Variants in SLC26A7 observed in about 807,000 individuals in gnomAD.
SLC26A7 encodes the protein anion exchange transporter.
Under a neutral mutation model 82.5 loss-of-function variants are expected in SLC26A7, and 59 were observed. That is an observed-to-expected ratio of 0.72 (90% confidence interval 0.58 to 0.89). The LOEUF (loss-of-function observed/expected upper bound fraction) is 0.89, where lower values mean the gene tolerates loss of function less well. Among genes scored for constraint, SLC26A7 ranks in the 40% least tolerant of loss-of-function variants. The probability of loss-of-function intolerance (pLI) is 0.00; values close to 1 mark genes in which losing one functional copy is unlikely to be tolerated. For missense variants in SLC26A7, 820 were observed against 793.0 expected, an observed-to-expected ratio of 1.03 and a Z score of -0.41; for synonymous variants, 271 against 274.3, an observed-to-expected ratio of 0.99 and a Z score of 0.12.
chr8:91,316,381 C>T (rs553645482), intron 4 of SLC26A7, among the ~76,000 whole-genome samples: 185 of 149,660 alleles, frequency 1.2e-3, no homozygotes, highest in Middle Eastern at 3.5e-3. Context: ...CTCCTGGGCT[C>T]AGGCCATCCT....
chr8:91,331,189 G>A (rs1470682385), intron 5 of SLC26A7, among the ~76,000 whole-genome samples: 1 of 152,088 alleles, frequency 6.6e-6, no homozygotes, highest in Non-Finnish European at 1.5e-5. Context: ...GGCACTGGGG[G>A]TTAGGACTTC....
chr8:91,221,690 G>A (rs1243269915), intron 2 of SLC26A7, among the ~76,000 whole-genome samples: 1 of 152,030 alleles, frequency 6.6e-6, no homozygotes, highest in African/African-American at 2.4e-5. Context: ...TAGATGTGTG[G>A]TATTATTTCT....
chr8:91,351,084 C>T (rs1375754516), intron 9 of SLC26A7, among the ~76,000 whole-genome samples: 1 of 152,124 alleles, frequency 6.6e-6, no homozygotes. Flanking sequence ...GCCTTCTTTT[C>T]TCTTGTTAGG....
chr8:91,314,019 C>T (rs1812560632), intron 4 of SLC26A7, among the ~76,000 whole-genome samples: 1 of 152,154 alleles, frequency 6.6e-6, no homozygotes, highest in Non-Finnish European at 1.5e-5. Context: ...CAAATAGTAT[C>T]ATGCTAGTGA....
chr8:91,217,685 G>A (rs1282618173), intron 1 of SLC26A7, among the ~76,000 whole-genome samples: 1 of 152,164 alleles, frequency 6.6e-6, no homozygotes, highest in African/African-American at 2.4e-5. Flanking sequence ...AGGAGTGGTA[G>A]TTGCCCAAAG....
At chr8:91,378,298 A>C (rs76019809) in intron 15 of SLC26A7, among the ~76,000 whole-genome samples, 3,293 of 149,816 alleles carry the variant, frequency 0.022, 133 homozygotes, top group African/African-American at 0.075. Flanking sequence ...TATTAACATC[A>C]CTCCTTGGTA....
At chr8:91,242,260 A>G (rs1810484882) in intron 2 of SLC26A7, among the ~76,000 whole-genome samples, 1 of 152,190 alleles carries the variant, frequency 6.6e-6, no homozygotes, top group South Asian at 2.1e-4. Flanking sequence ...TTCAGTAATT[A>G]CTTTGATATG....
At chr8:91,384,621 A>G (rs1283675775) in intron 15 of SLC26A7, among the ~76,000 whole-genome samples, 2 of 152,104 alleles carry the variant, frequency 1.3e-5, no homozygotes, top group Non-Finnish European at 2.9e-5. Context: ...TTAATTTACT[A>G]GTTCAACTGA....
At chr8:91,210,308 C>G (rs1045681737) in intron 1 of SLC26A7, among the ~76,000 whole-genome samples, 2 of 152,270 alleles carry the variant, frequency 1.3e-5, no homozygotes, top group Middle Eastern at 3.4e-3. Flanking sequence ...CACCTTCTGT[C>G]TCTTTTTTCC....
In SLC26A7 at chr8:91,397,968, G is replaced by A. The variant is rs544164909; in HGVS notation, c.*2871G>A. On this transcript the variant is annotated 3_prime_UTR_variant, in exon 19 of 19. Transcript: ENST00000276609. ...AGTTTGTGGCCAGATTTCAAATAGG[G>A]AGTTAAGTGGTACTTTCACAATCCA... 6.6e-6 allele frequency: 1 copy of A among 152,540 alleles called. No individual in the cohort carries two copies. The highest frequency in any genetic ancestry group is 2.4e-5 in the African/African-American group (1 of 41,522). 9.4% of individuals were successfully genotyped at this position (152,540 alleles called of 1,614,324 possible).
intron 2 of SLC26A7, among the ~76,000 whole-genome samples, chr8:91,280,253 A>G (rs1402252005): frequency 6.6e-6 from 1 of 152,194 alleles, no homozygotes; most frequent in Non-Finnish European, 1.5e-5. Context: ...TGTGGAAGGT[A>G]ACTAATTCTA....
At position 91,265,154 on chromosome 8, in the gene SLC26A7, G is replaced by T. The variant is rs144299199; in HGVS notation, c.193+15310G>T. 6.4e-3 allele frequency among the ~76,000 whole-genome samples: 971 copies of T among 152,054 alleles called. 7 individuals carry two copies. The highest frequency in any genetic ancestry group is 0.021 in the African/African-American group (880 of 41,488). On this transcript the variant is annotated intron_variant, in intron 2 of 18. Coordinates refer to ENST00000276609, the MANE Select transcript of SLC26A7 (RefSeq NM_052832.4). ...GATTATGCGGTATTTGTCTTTCTGT[G>T]TCTGGCTTATTTTACTTAACGTAAT...
intron 15 of SLC26A7, among the ~76,000 whole-genome samples, chr8:91,384,099 G>A (rs1170846314): frequency 1.3e-5 from 2 of 152,114 alleles, no homozygotes; most frequent in South Asian, 2.1e-4. Flanking sequence ...AAAACAGCAC[G>A]GATTTGTTAT....
chr8:91,336,196 A>G (rs1040665843), intron 6 of SLC26A7, among the ~76,000 whole-genome samples: 2 of 152,078 alleles, frequency 1.3e-5, no homozygotes, highest in African/African-American at 4.8e-5. Context: ...CCCTACTCCC[A>G]CAGAGCTCCC....
intron 6 of SLC26A7, among the ~76,000 whole-genome samples, chr8:91,336,460 C>G (rs969280786): frequency 2.6e-5 from 4 of 152,052 alleles, no homozygotes; most frequent in Non-Finnish European, 4.4e-5. Flanking sequence ...TTATGATAAT[C>G]TAGTGCCTGA....
intron 2 of SLC26A7, among the ~76,000 whole-genome samples, chr8:91,230,490 G>C (rs192752947): frequency 6.6e-6 from 1 of 152,042 alleles, no homozygotes; most frequent in South Asian, 2.1e-4. Flanking sequence ...CCCTCTAATC[G>C]GAAAACAGTT....
intron 15 of SLC26A7, among the ~76,000 whole-genome samples, chr8:91,386,851 A>T (rs1814813436): frequency 6.6e-6 from 1 of 152,152 alleles, no homozygotes; most frequent in Non-Finnish European, 1.5e-5. Context: ...CTCATTACTG[A>T]CTTTAAAGAA....
chr8:91,246,073 T>C (rs1387805172), upstream of SLC26A7, among the ~76,000 whole-genome samples: 10 of 152,320 alleles, frequency 6.6e-5, no homozygotes, highest in Middle Eastern at 3.4e-3. Context: ...CAAACAAAGA[T>C]AAAATCTCAT....
At chr8:91,213,988 C>T (rs747005289) in intron 1 of SLC26A7, among the ~76,000 whole-genome samples, 2 of 151,906 alleles carry the variant, frequency 1.3e-5, no homozygotes, top group Admixed American at 6.6e-5. Flanking sequence ...CCCTACTGAA[C>T]ATGTGGGGGA....
Sources: gnomAD v4.1 joint callset for allele counts (sites outside exome capture counted in the v4.1 genomes callset) on GRCh38, gnomAD v4.1.1 for gene constraint, MANE v1.5 for transcripts, NCBI Gene and HGNC (gene_info 2026-07-23, HGNC 2026-07-21) for gene names.